Variants in LHX6 observed in about 807,000 individuals in gnomAD.
LHX6 encodes LIM/homeobox protein Lhx6.
Under a neutral mutation model 47.1 loss-of-function variants are expected in LHX6, and 15 were observed. The observed-to-expected ratio is 0.32, with a 90% CI of 0.21 to 0.49. The LOEUF is 0.49. Among genes scored for constraint, LHX6 ranks in the 20% least tolerant of loss-of-function variants. LHX6 has a pLI of 0.99. For missense variants in LHX6, 404 were observed against 539.6 expected (o/e 0.75, Z 2.49); for synonymous variants, 242 against 233.5 (o/e 1.04, Z -0.33).
intron 4 of LHX6, among the ~76,000 whole-genome samples, chr9:122,219,446 G>A (rs920406873): frequency 6.6e-6 from 1 of 152,240 alleles, no homozygotes; most frequent in Non-Finnish European, 1.5e-5. Context: ...AGAGGAAACA[G>A]CTTTGCCCAA....
chr9:122,214,292 T>C lies in LHX6; in HGVS notation c.774A>G (p.Glu258=). The C allele has an allele frequency of 1.3e-6, 2 of 1,595,258 alleles. No individual in the cohort carries two copies. The highest frequency in any genetic ancestry group is 1.7e-6 in the Non-Finnish European group (2 of 1,173,824). The part of the protein sequence containing the change: ...AKRARTSFTA[E]QLQVMQAQFA... ...CTGCTTGCAGCGGTACCTGCAGCTG[T>C]TCCGCGGTGAAGGACGTCCGCGCGC... The change falls in exon 6 of 10, where the codon GAA becomes GAG. Residue 258 remains glutamate (E), a synonymous_variant. Transcript: ENST00000394319. This position sits in a 1 kb window ranked among gnomAD's most constrained non-coding sequence, Gnocchi z 4.6.
rs771188627 is a variant in LHX6 at position 122,213,964 on chromosome 9, C to G, written c.879+10G>C. On this transcript the variant is annotated intron_variant, in intron 7 of 9. Transcript: ENST00000394319. The surrounding 1 kb of genome is among the most constrained non-coding windows in gnomAD (Gnocchi z 5.5). ...CCGCGGTCCCCAGGCCCCGCCCACC[C>G]CCGTCCCACCTGGATGACTCTCCGG... 2 of 1,578,492 alleles carry G rather than the reference C, an allele frequency of 1.3e-6. No homozygotes were observed. Among genetic ancestry groups the G allele is most frequent in the Non-Finnish European group, 1.7e-6 (2 of 1,160,250 alleles).
intron 9 of LHX6, among the ~76,000 whole-genome samples, chr9:122,206,572 T>C (rs1193035493): frequency 6.6e-6 from 1 of 152,172 alleles, no homozygotes; most frequent in African/African-American, 2.4e-5. Flanking sequence ...AAACTCTGGC[T>C]CAGCAGCCAA....
chr9:122,208,190 C>T (rs1014723344), intron 9 of LHX6, among the ~76,000 whole-genome samples: 1 of 152,172 alleles, frequency 6.6e-6, no homozygotes, highest in Non-Finnish European at 1.5e-5. Flanking sequence ...CTCTCATCCT[C>T]CCAGACATGC....
At chr9:122,210,680 GC>G (rs2118838969) in intron 8 of LHX6, among the ~76,000 whole-genome samples, 1 of 152,226 alleles carries the variant, frequency 6.6e-6, no homozygotes, top group South Asian at 2.1e-4. Flanking sequence ...TCCCACCTTA[GC>G]CTCCTGAGTA....
intron 5 of LHX6, among the ~76,000 whole-genome samples, chr9:122,216,285 C>A (rs759137422): frequency 6.6e-6 from 1 of 152,206 alleles, no homozygotes; most frequent in Admixed American, 6.5e-5. Context: ...CCTGCCTCTG[C>A]CCACAGCCAA....
Position 122,227,440 on chromosome 9 carries a change from C to G in LHX6, c.125G>C (p.Arg42Pro). The G allele has an allele frequency of 7.9e-7, 1 of 1,261,808 alleles. No homozygotes were observed. Among genetic ancestry groups the G allele is most frequent in the East Asian group, 6.8e-5 (1 of 14,796 alleles). 78.2% of individuals were successfully genotyped at this position (1,261,808 alleles called of 1,614,324 possible). Residue 42 changes from arginine (R) to proline (P), a missense_variant, in exon 2 of 10, where the codon CGC becomes CCC. Physicochemically the swap from Arg to Pro is moderately radical, Grantham distance 103. Transcript: ENST00000394319. Reference sequence around the variant, plus strand: ...GGGCGGCGCGGTCCCTTCAAGACAGCGGGTGGTCGCTTTGCAGCCGGACCC... The same window carrying G: ...GGGCGGCGCGGTCCCTTCAAGACAGGGGGTGGTCGCTTTGCAGCCGGACCC... ...QPGSGCKATT[R>P]CLEGTAPPAM...
At chr9:122,206,005 G>A (rs1386266549) in intron 9 of LHX6, among the ~76,000 whole-genome samples, 1 of 152,044 alleles carries the variant, frequency 6.6e-6, no homozygotes, top group Non-Finnish European at 1.5e-5. Flanking sequence ...GCCCTTATTA[G>A]GAAAAGCTCT....
rs942220202 is a variant in LHX6 at position 122,213,389 on chromosome 9, G to A, written c.1054+217C>T. On this transcript the variant is annotated intron_variant, in intron 8 of 9. Coordinates refer to ENST00000394319, the MANE Select transcript of LHX6 (RefSeq NM_014368.5). This position sits in a 1 kb window ranked among gnomAD's most constrained non-coding sequence, Gnocchi z 5.5. ...GCATTTTTTGAATGGCTGCTGAATC[G>A]CTTGCCTCTATGAAGGATCCCGCTC... 1.3e-5 allele frequency among the ~76,000 whole-genome samples: 2 copies of A among 152,042 alleles called. No individual in the cohort carries two copies. Among genetic ancestry groups the A allele is most frequent in the African/African-American group, 2.4e-5 (1 of 41,386 alleles).
Position 122,217,795 on chromosome 9 carries a change from C to T in LHX6, c.462-507G>A, listed in dbSNP as rs952759299. ...CTCCAGAGATGAATATAAGCTATAGCGCCAGCTGTACAGAAGTGCAGTTTC... is the reference window on the plus strand; with the variant it reads ...CTCCAGAGATGAATATAAGCTATAGTGCCAGCTGTACAGAAGTGCAGTTTC... On this transcript the variant is annotated intron_variant, in intron 4 of 9. Transcript: ENST00000394319. The surrounding 1 kb of genome is among the most constrained non-coding windows in gnomAD (Gnocchi z 4.9). Among the ~76,000 whole-genome samples the T allele has an allele frequency of 2.6e-5, 4 of 152,136 alleles. No homozygotes were observed. Among genetic ancestry groups the T allele is most frequent in the African/African-American group, 4.8e-5 (2 of 41,412 alleles).
chr9:122,226,693 G>GAA lies in LHX6; in HGVS notation c.339+154_339+155insTT, dbSNP rs1831116629. The GAA allele has an allele frequency of 8.3e-7, 1 of 1,201,076 alleles. No homozygotes were observed. 74.4% of individuals were successfully genotyped at this position (1,201,076 alleles called of 1,614,324 possible). On this transcript the variant is annotated intron_variant, in intron 3 of 9. Transcript: ENST00000394319. This position sits in a 1 kb window ranked among gnomAD's most constrained non-coding sequence, Gnocchi z 6.5. ...CTTATTTTTCAGACGGAACCCGGGG[G>GAA]CTCAGGCAGACCCTAAGTCTTGCCC...
intron 4 of LHX6, among the ~76,000 whole-genome samples, chr9:122,220,441 G>A (rs1012071055): frequency 1.6e-4 from 25 of 152,226 alleles, no homozygotes; most frequent in African/African-American, 6.0e-4. Context: ...AGCACGAAGG[G>A]CGCGAGGAGG....
intron 4 of LHX6, among the ~76,000 whole-genome samples, chr9:122,218,303 G>A (rs1288787551): frequency 6.6e-6 from 1 of 152,100 alleles, no homozygotes; most frequent in African/African-American, 2.4e-5. Context: ...CTAGCAGCCT[G>A]TTTCCTCTGG....
Position 122,204,784 on chromosome 9 carries a change from C to A in LHX6, c.1159-4G>T. 1.3e-6 allele frequency: 2 copies of A among 1,585,650 alleles called. No homozygotes were observed. The highest frequency in any genetic ancestry group is 8.6e-7 in the Non-Finnish European group (1 of 1,165,812). ...GTTAGTACTGAAAAAGGATGACCTG[C>A]AAGAGGAGGGCATGGGAGGTGGCTG... On this transcript the variant is annotated splice_polypyrimidine_tract_variant and splice_region_variant and intron_variant, in intron 9 of 9. Transcript: ENST00000394319.
chr9:122,220,716 G>A (rs1830817019), intron 4 of LHX6, among the ~76,000 whole-genome samples: 1 of 152,204 alleles, frequency 6.6e-6, no homozygotes, highest in African/African-American at 2.4e-5. Flanking sequence ...GGCGCTTTGG[G>A]GAGAGGTGTT....
chr9:122,209,377 G>A (rs974727426), intron 9 of LHX6, among the ~76,000 whole-genome samples: 1 of 152,212 alleles, frequency 6.6e-6, no homozygotes, highest in Non-Finnish European at 1.5e-5. Flanking sequence ...GACAGAGCAG[G>A]GCAAACTGCC....
chr9:122,225,235 G>A (rs1169604930), intron 4 of LHX6, among the ~76,000 whole-genome samples: 20 of 152,238 alleles, frequency 1.3e-4, no homozygotes, highest in Admixed American at 9.2e-4. Flanking sequence ...ATGTCTGTGG[G>A]TTGGAGGGTA....
intron 4 of LHX6, chr9:122,221,283 C>A: frequency 1.0e-5 from 10 of 985,504 alleles, no homozygotes; most frequent in Non-Finnish European, 1.2e-5. Flanking sequence ...TCGGAGGTCC[C>A]GGCCCCGAGG....
chr9:122,227,742 C>A, intron 1 of LHX6: 3 of 588,332 alleles, frequency 5.1e-6, no homozygotes, highest in Non-Finnish European at 5.2e-6. Flanking sequence ...GCTTAGTTCC[C>A]TTGCAATCCA....
Sources: allele counts gnomAD v4.1 joint callset (sites outside exome capture counted in the v4.1 genomes callset), GRCh38; gene constraint gnomAD v4.1.1; non-coding constraint Gnocchi (gnomAD v3.1); transcripts MANE v1.5; gene names NCBI Gene and HGNC (gene_info 2026-07-23, HGNC 2026-07-21).